KCNH8: variants seen among roughly 807,000 people sequenced by gnomAD.
KCNH8 encodes the protein voltage-gated delayed rectifier potassium channel KCNH8.
KCNH8 carries 70 observed loss-of-function variants against 103.6 expected under a neutral mutation model. The ratio of observed to expected loss-of-function variants is 0.68; its 90% CI spans 0.56 to 0.82. KCNH8 has a LOEUF of 0.82. KCNH8 is among the 40% of genes least tolerant of loss of function. KCNH8 has a pLI of 0.00. For synonymous variants in KCNH8, 498 were observed against 489.4 expected (o/e 1.02, Z -0.23); for missense variants, 1,217 against 1,329.9 (o/e 0.92, Z 1.32).
intron 11 of KCNH8, among the ~76,000 whole-genome samples, chr3:19,471,559 C>T (rs1276226509): frequency 6.6e-6 from 1 of 152,178 alleles, no homozygotes; most frequent in Non-Finnish European, 1.5e-5. Context: ...CTCCTAGGAG[C>T]CAAGCTGCAT....
intron 3 of KCNH8, among the ~76,000 whole-genome samples, chr3:19,329,875 G>A (rs750431212): frequency 4.6e-5 from 7 of 151,258 alleles, no homozygotes; most frequent in Non-Finnish European, 1.0e-4. Flanking sequence ...CCTGTCCCCC[G>A]TCCAGTCCTC....
chr3:19,517,976 C>T (rs964995501), intron 14 of KCNH8, 22 bp from the exon 15 acceptor site: 2 of 1,596,526 alleles, frequency 1.3e-6, no homozygotes, highest in South Asian at 1.1e-5. Flanking sequence ...AGGACTCATT[C>T]TGTATGTGTG....
At chr3:19,286,233 A>G (rs575625017) in intron 3 of KCNH8, among the ~76,000 whole-genome samples, 1 of 152,240 alleles carries the variant, frequency 6.6e-6, no homozygotes, top group Non-Finnish European at 1.5e-5. Context: ...TCCCAAATGT[A>G]TATATTGAAG....
chr3:19,357,628 T>C (rs2065896356), intron 5 of KCNH8, among the ~76,000 whole-genome samples: 1 of 151,914 alleles, frequency 6.6e-6, no homozygotes, highest in South Asian at 2.1e-4. Context: ...TTGCACATTC[T>C]TACTATCTAC....
intron 1 of KCNH8, among the ~76,000 whole-genome samples, chr3:19,171,649 T>A (rs1193186682): frequency 6.6e-6 from 1 of 152,156 alleles, no homozygotes; most frequent in Non-Finnish European, 1.5e-5. Flanking sequence ...ACTTAAATGA[T>A]CTCATGTATA....
At chr3:19,377,888 CTTTG>C (rs760911849) in intron 5 of KCNH8, among the ~76,000 whole-genome samples, 18 of 152,108 alleles carry the variant, frequency 1.2e-4, no homozygotes, top group Non-Finnish European at 2.1e-4. Context: ...GTGGTTTTTG[CTTTG>C]TTTGTTAGTG....
At position 19,277,732 on chromosome 3, in the gene KCNH8, A is replaced by G. The variant is rs373236107; in HGVS notation, c.311-3466A>G. On this transcript the variant is annotated intron_variant, in intron 2 of 15. Coordinates refer to ENST00000328405, the MANE Select transcript of KCNH8 (RefSeq NM_144633.3). ...ATTTAAGCTTTTGTGTAACTATTCA[A>G]TTCCAAAAATAGATTTTTCCATATA... is the stretch of plus-strand genomic sequence containing the variant. Among the ~76,000 whole-genome samples the G allele has an allele frequency of 5.9e-5, 9 of 152,312 alleles. No individual in the cohort carries two copies. The South Asian group carries it at 1.9e-3, about 32-fold the overall frequency.
chr3:19,383,609 G>A (rs558657055), intron 5 of KCNH8, among the ~76,000 whole-genome samples: 9 of 152,184 alleles, frequency 5.9e-5, no homozygotes, highest in Admixed American at 1.3e-4. Flanking sequence ...CTGCCCTCAT[G>A]TGATCCACCC....
intron 1 of KCNH8, among the ~76,000 whole-genome samples, chr3:19,188,019 A>C (rs966220018): frequency 4.6e-5 from 7 of 152,060 alleles, no homozygotes; most frequent in Admixed American, 4.6e-4. Flanking sequence ...AAGGACTTCA[A>C]ATATGCATTT....
intron 1 of KCNH8, among the ~76,000 whole-genome samples, chr3:19,198,398 C>T (rs543834308): frequency 1.3e-5 from 2 of 152,094 alleles, no homozygotes; most frequent in South Asian, 4.2e-4. Flanking sequence ...ACCAACATTG[C>T]AGTGCAAGAC....
At chr3:19,455,758 G>C (rs2067522511) in intron 10 of KCNH8, among the ~76,000 whole-genome samples, 1 of 152,034 alleles carries the variant, frequency 6.6e-6, no homozygotes, top group African/African-American at 2.4e-5. Context: ...TGTTGGTGCT[G>C]TTTTTATAGC....
At chr3:19,243,433 T>A (rs887961330) in intron 1 of KCNH8, among the ~76,000 whole-genome samples, 1 of 152,208 alleles carries the variant, frequency 6.6e-6, no homozygotes. Context: ...TTTAGTCTTA[T>A]GTTTCCTGTT....
chr3:19,168,392 G>A (rs1195124411), intron 1 of KCNH8, among the ~76,000 whole-genome samples: 1 of 152,156 alleles, frequency 6.6e-6, no homozygotes, highest in Non-Finnish European at 1.5e-5. Flanking sequence ...TATATAGTAA[G>A]TAGTTTTTGA....
chr3:19,434,463 A>C (rs1320622788), intron 7 of KCNH8, among the ~76,000 whole-genome samples: 1 of 151,968 alleles, frequency 6.6e-6, no homozygotes, highest in Non-Finnish European at 1.5e-5. Context: ...TCTGCAGCTG[A>C]GTAGTCCCAT....
chr3:19,185,712 A>G (rs983748740), intron 1 of KCNH8, among the ~76,000 whole-genome samples: 87 of 152,088 alleles, frequency 5.7e-4, no homozygotes, highest in Non-Finnish European at 1.1e-3. Flanking sequence ...TTATGCTCCT[A>G]TGATTTATTT....
chr3:19,418,549 C>T (rs751094241), intron 7 of KCNH8, among the ~76,000 whole-genome samples: 7 of 152,202 alleles, frequency 4.6e-5, no homozygotes, highest in Non-Finnish European at 8.8e-5. Context: ...AAAGCCCAAA[C>T]AAAATATCTG....
chr3:19,513,277 T>A lies in KCNH8; in HGVS notation c.2387T>A (p.Leu796Ter). 6.2e-7 allele frequency: 1 copy of A among 1,612,532 alleles called. No individual in the cohort carries two copies. The highest frequency in any genetic ancestry group is 8.5e-7 in the Non-Finnish European group (1 of 1,179,522). ...HNKRKEKNLKLQLSTLNNAGP... is the reference protein window; with the variant it reads ...HNKRKEKNLK ...AAAAGGAAAGAGAAGAACTTGAAATTGCAACTTTCAACTTTGAATAATGCT... is the reference window on the plus strand; with the variant it reads ...AAAAGGAAAGAGAAGAACTTGAAATAGCAACTTTCAACTTTGAATAATGCT... Residue 796 changes from leucine to a stop codon, truncating the protein, a stop_gained, in exon 13 of 16, where the codon TTG (leucine) becomes TAG (stop). Transcript: ENST00000328405. LOFTEE classifies it high-confidence loss of function.
In KCNH8 at chr3:19,456,948, T is replaced by C. The variant is rs755720752; in HGVS notation, c.2006T>C (p.Leu669Pro). ...HKFVEDIQHD[L>P]TYNLREGHES... ...TTCGTGGAAGACATTCAGCATGACC[T>C]CACATACAACCTCCGAGAAGGTCAT... The change falls in exon 11 of 16, where the codon CTC becomes CCC. Residue 669 changes from leucine (L) to proline (P), a missense_variant. Physicochemically the swap from Leu to Pro is moderately conservative, Grantham distance 98. Around this residue, in one of 3 missense-constraint regions of KCNH8, gnomAD observed 415 missense variants for 577.4 expected, o/e 0.72. Transcript: ENST00000328405. 1.2e-6 allele frequency: 2 copies of C among 1,612,102 alleles called. No homozygotes were observed. Among genetic ancestry groups the C allele is most frequent in the African/African-American group, 2.7e-5 (2 of 74,774 alleles).
intron 11 of KCNH8, among the ~76,000 whole-genome samples, chr3:19,505,084 T>TACAC (rs111724747): frequency 8.1e-5 from 12 of 147,970 alleles, no homozygotes; most frequent in South Asian, 6.4e-4. Flanking sequence ...TATATATAGA[T>TACAC]ACACACACAC....
Sources: gnomAD v4.1 joint callset for allele counts (sites outside exome capture counted in the v4.1 genomes callset) on GRCh38, gnomAD v4.1.1 for gene constraint, gnomAD v4.1.1 regional missense constraint, MANE v1.5 for transcripts, NCBI Gene and HGNC (gene_info 2026-07-23, HGNC 2026-07-21) for gene names.